SCLT1: variants seen among roughly 807,000 people sequenced by gnomAD.
The protein encoded by SCLT1 is sodium channel and clathrin linker 1, also known as sodium channel-associated protein 1.
SCLT1 carries 78 observed loss-of-function variants against 112.8 expected under a neutral mutation model. The ratio of observed to expected loss-of-function variants is 0.69; its 90% CI spans 0.58 to 0.83. The LOEUF (loss-of-function observed/expected upper bound fraction) is 0.83. Among genes scored for constraint, SCLT1 ranks in the 40% least tolerant of loss-of-function variants. The probability of loss-of-function intolerance (pLI) is 0.00; values close to 1 mark genes in which losing one functional copy is unlikely to be tolerated. For synonymous variants in SCLT1, 257 were observed against 254.7 expected, an observed-to-expected ratio of 1.01 and a Z score of -0.09; for missense variants, 747 against 770.4, an observed-to-expected ratio of 0.97 and a Z score of 0.36.
chr4:128,905,145 A>T (rs911900545), intron 18 of SCLT1, among the ~76,000 whole-genome samples: 1 of 152,314 alleles, frequency 6.6e-6, no homozygotes. Flanking sequence ...AATGGAAACT[A>T]CTTCTTATCT....
At chr4:128,905,915 A>G (rs1234641130) in intron 18 of SCLT1, among the ~76,000 whole-genome samples, 1 of 151,930 alleles carries the variant, frequency 6.6e-6, no homozygotes, top group Non-Finnish European at 1.5e-5. Flanking sequence ...AACATCTTAA[A>G]TTGTTTATTT....
Position 128,992,168 on chromosome 4 carries a change from T to G in SCLT1, c.685A>C (p.Arg229=). The change falls in exon 9 of 21, where the codon AGG becomes CGG. Residue 229 remains arginine (R), a splice_region_variant and synonymous_variant. Transcript: ENST00000281142. ...AATGAAACTCATTTTTGAAAATACC[T>G]AAGTTTTTTTCGGAGTTGTTCGATT... is the stretch of plus-strand genomic sequence containing the variant. ...VIIEQLRKKL[R]QAKLELRVAV... is the part of the protein sequence containing the mutation. 3 of 1,573,932 alleles carry G rather than the reference T, an allele frequency of 1.9e-6. No individual in the cohort carries two copies. The highest frequency in any genetic ancestry group is 2.6e-6 in the Non-Finnish European group (3 of 1,150,196).
At chr4:129,004,013 T>A (rs1743772612) in intron 5 of SCLT1, 137 bp from the exon 6 acceptor site, 21 of 728,308 alleles carry the variant, frequency 2.9e-5, no homozygotes, top group Non-Finnish European at 4.6e-5. Flanking sequence ...AAATAAAAAA[T>A]TAGAAGTGTT....
chr4:128,970,034 T>C (rs546069876), intron 10 of SCLT1, among the ~76,000 whole-genome samples: 19 of 152,320 alleles, frequency 1.2e-4, no homozygotes, highest in Admixed American at 9.8e-4. Flanking sequence ...TGTCAATAAA[T>C]ACTTTAGTAA....
At chr4:129,057,434 T>A (rs1288103871) in intron 2 of SCLT1, among the ~76,000 whole-genome samples, 3 of 149,226 alleles carry the variant, frequency 2.0e-5, no homozygotes, top group Non-Finnish European at 4.5e-5. Flanking sequence ...TTTTGATGAC[T>A]CTCAGCCTCC....
At chr4:128,960,909 A>G (rs1739653456) in intron 11 of SCLT1, among the ~76,000 whole-genome samples, 1 of 129,260 alleles carries the variant, frequency 7.7e-6, no homozygotes, top group Non-Finnish European at 1.6e-5. Context: ...CCTGGGCGAC[A>G]GAGCGAGACT....
chr4:128,992,247 GAAA>G lies in SCLT1; in HGVS notation c.616-13_616-11del. On this transcript the variant is annotated splice_polypyrimidine_tract_variant and intron_variant, in intron 8 of 20. Coordinates refer to ENST00000281142, the MANE Select transcript of SCLT1 (RefSeq NM_144643.4). ...GAAACTGTTGGTTAGTCTGCCACAAGAAAAAAAAAGAATCAGTATTAGAATATT... is the reference window on the plus strand; with the variant it reads ...GAAACTGTTGGTTAGTCTGCCACAAGAAAAAAGAATCAGTATTAGAATATT... 1 of 1,492,586 alleles carries G rather than the reference GAAA, an allele frequency of 6.7e-7. No individual in the cohort carries two copies. 92.5% of individuals were successfully genotyped at this position (1,492,586 alleles called of 1,614,324 possible).
chr4:129,082,131 T>C (rs1751994001), intron 2 of SCLT1, among the ~76,000 whole-genome samples, 175 bp downstream of exon 2: 1 of 152,134 alleles, frequency 6.6e-6, no homozygotes, highest in African/African-American at 2.4e-5. Context: ...ATATAATATA[T>C]AAGCTCCAAC....
intron 18 of SCLT1, 76 bp from the exon 19 acceptor site, chr4:128,891,213 G>T: frequency 1.8e-6 from 2 of 1,117,478 alleles, no homozygotes; most frequent in Non-Finnish European, 2.7e-6. Flanking sequence ...CAAGATACAT[G>T]TTCATGATTT....
At chr4:128,889,897 A>G (rs186713845) in intron 19 of SCLT1, among the ~76,000 whole-genome samples, 2 of 152,338 alleles carry the variant, frequency 1.3e-5, no homozygotes. Flanking sequence ...CTAACATACA[A>G]GTGATAAGAA....
chr4:129,017,296 G>A (rs1177795150), intron 5 of SCLT1, among the ~76,000 whole-genome samples: 1 of 152,030 alleles, frequency 6.6e-6, no homozygotes, highest in African/African-American at 2.4e-5. Context: ...GTATATTCCT[G>A]TTGGTTAATA....
chr4:128,925,604 G>A (rs186019034), intron 18 of SCLT1, among the ~76,000 whole-genome samples: 261 of 152,202 alleles, frequency 1.7e-3, no homozygotes, highest in African/African-American at 5.9e-3. Flanking sequence ...GATTACAGGC[G>A]TCAGCCACGG....
At chr4:128,972,691 G>A (rs1740793224) in intron 9 of SCLT1, among the ~76,000 whole-genome samples, 1 of 152,106 alleles carries the variant, frequency 6.6e-6, no homozygotes, top group South Asian at 2.1e-4. Context: ...TTTCAATTGT[G>A]TATTCCTTTT....
intron 5 of SCLT1, among the ~76,000 whole-genome samples, chr4:129,004,234 A>T (rs1193775500): frequency 6.6e-6 from 1 of 152,116 alleles, no homozygotes; most frequent in Non-Finnish European, 1.5e-5. Context: ...ATCTATGTAT[A>T]TCTAGTCAAT....
At chr4:128,973,450 GAGTAGT>G (rs1740870945) in intron 9 of SCLT1, among the ~76,000 whole-genome samples, 1 of 148,018 alleles carries the variant, frequency 6.8e-6, no homozygotes, top group Admixed American at 6.8e-5. Flanking sequence ...GGAGGGGAAG[GAGTAGT>G]GGGAGGGAGG....
chr4:128,897,566 A>T (rs575467947), intron 18 of SCLT1, among the ~76,000 whole-genome samples: 2 of 151,626 alleles, frequency 1.3e-5, no homozygotes, highest in African/African-American at 4.9e-5. Flanking sequence ...CGCTGCAAAA[A>T]CATGCCAAAT....
At chr4:128,948,403 G>A in intron 15 of SCLT1, 93 bp downstream of exon 15, 19 of 1,322,072 alleles carry the variant, frequency 1.4e-5, no homozygotes, top group South Asian at 8.6e-5. Context: ...AACAAATAAA[G>A]GAATTGCTAG....
At chr4:129,056,385 T>C (rs12500480) in intron 2 of SCLT1, among the ~76,000 whole-genome samples, 14,095 of 152,224 alleles carry the variant, frequency 0.093, 780 homozygotes, top group South Asian at 0.15. Flanking sequence ...TTTATGGCAG[T>C]ACCATGCTGT....
At chr4:128,951,036 C>T (rs1258245196) in intron 14 of SCLT1, among the ~76,000 whole-genome samples, 1 of 152,038 alleles carries the variant, frequency 6.6e-6, no homozygotes, top group Non-Finnish European at 1.5e-5. Flanking sequence ...AATTTTTCTC[C>T]TTCCTGTGAG....
Sources: gnomAD v4.1 joint callset for allele counts (sites outside exome capture counted in the v4.1 genomes callset) on GRCh38, gnomAD v4.1.1 for gene constraint, MANE v1.5 for transcripts, NCBI Gene and HGNC (gene_info 2026-07-23, HGNC 2026-07-21) for gene names.